CLEC3B: variants seen among roughly 807,000 people sequenced by gnomAD.
CLEC3B encodes tetranectin.
A neutral mutation model predicts 15.4 loss-of-function variants in CLEC3B; 13 were observed. That is an observed-to-expected ratio of 0.84 (90% CI 0.55 to 1.34). CLEC3B has a LOEUF of 1.34. CLEC3B is among the 40% of genes most tolerant of loss of function. The pLI is 0.00. For synonymous variants in CLEC3B, 112 were observed against 114.7 expected (o/e 0.98, Z 0.15); for missense variants, 242 against 268.6 (o/e 0.90, Z 0.69).
In CLEC3B at chr3:45,026,452, G is replaced by A; in HGVS notation, c.90G>A (p.Lys30=). 6.2e-7 allele frequency: 1 copy of A among 1,614,156 alleles called. No homozygotes were observed. The highest frequency in any genetic ancestry group is 8.5e-7 in the Non-Finnish European group (1 of 1,180,006). The change falls in exon 1 of 3, where the codon AAG becomes AAA. Residue 30 remains lysine, a synonymous_variant. Transcript: ENST00000296130. The stretch of plus-strand genomic sequence containing the variant: ...AGCCACCAACCCAGAAGCCCAAGAA[G>A]ATTGTAAATGCCAAGAAAGGTAAGG... ...TTEPPTQKPK[K]IVNAKKDVVN... is the part of the protein sequence containing the mutation.
chr3:45,026,881 C>T (rs1697491872), intron 1 of CLEC3B, among the ~76,000 whole-genome samples: 1 of 152,120 alleles, frequency 6.6e-6, no homozygotes, highest in South Asian at 2.1e-4. Flanking sequence ...AAAGACTTCT[C>T]ATGAAGATTT....
chr3:45,034,189 C>T (rs965173268), intron 2 of CLEC3B, among the ~76,000 whole-genome samples: 2 of 152,166 alleles, frequency 1.3e-5, no homozygotes, highest in African/African-American at 4.8e-5. Context: ...AATCCTTCAT[C>T]CCCAACAAAA....
At chr3:45,030,779 T>C (rs1271323675) in intron 1 of CLEC3B, 48 bp from the exon 2 acceptor site, 1 of 1,349,364 alleles carries the variant, frequency 7.4e-7, no homozygotes, top group Non-Finnish European at 1.0e-6. Flanking sequence ...GGTAGGATCC[T>C]TCCTGCTCAG....
Position 45,030,808 on chromosome 3 carries a change from A to T in CLEC3B, c.110-19A>T. The T allele has an allele frequency of 1.3e-6, 2 of 1,555,704 alleles. No homozygotes were observed. Among genetic ancestry groups the T allele is most frequent in the Non-Finnish European group, 1.7e-6 (2 of 1,144,424 alleles). On this transcript the variant is annotated intron_variant, in intron 1 of 2. Transcript: ENST00000296130. ...TGCTCAGTCCCTGCCCCACCCTGAC[A>T]TATTTCCTCCTGCTTCAGATGTTGT...
intron 1 of CLEC3B, among the ~76,000 whole-genome samples, chr3:45,028,918 C>A (rs1339523666): frequency 1.3e-5 from 2 of 152,204 alleles, no homozygotes; most frequent in Admixed American, 1.3e-4. Flanking sequence ...TAGAGTACTT[C>A]TGGGAGCTCA....
At position 45,030,823 on chromosome 3, in the gene CLEC3B, T is replaced by G. The variant is rs201175056; in HGVS notation, c.110-4T>G. The G allele has an allele frequency of 1.5e-4, 243 of 1,581,106 alleles. No individual in the cohort carries two copies. Among genetic ancestry groups the G allele is most frequent in the Non-Finnish European group, 2.0e-4 (227 of 1,162,622 alleles). On this transcript the variant is annotated splice_region_variant and splice_polypyrimidine_tract_variant and intron_variant, in intron 1 of 2. Coordinates refer to ENST00000296130, the MANE Select transcript of CLEC3B (RefSeq NM_003278.3). Reference sequence around the variant, plus strand: ...CCACCCTGACATATTTCCTCCTGCTTCAGATGTTGTGAACACAAAGATGTT... The same window carrying G: ...CCACCCTGACATATTTCCTCCTGCTGCAGATGTTGTGAACACAAAGATGTT...
At chr3:45,030,534 G>A (rs895406150) in intron 1 of CLEC3B, among the ~76,000 whole-genome samples, 24 of 152,246 alleles carry the variant, frequency 1.6e-4, no homozygotes, top group African/African-American at 5.1e-4. Flanking sequence ...TGGGTGGTGG[G>A]GGATCACTGA....
chr3:45,029,559 G>T (rs1320523358), intron 1 of CLEC3B, among the ~76,000 whole-genome samples: 1 of 152,136 alleles, frequency 6.6e-6, no homozygotes, highest in Non-Finnish European at 1.5e-5. Context: ...AAGTTACATC[G>T]CTAATTTCTA....
At chr3:45,026,760 C>T (rs1697490473) in intron 1 of CLEC3B, among the ~76,000 whole-genome samples, 1 of 152,164 alleles carries the variant, frequency 6.6e-6, no homozygotes, top group South Asian at 2.1e-4. Context: ...AAACCTTTGG[C>T]CTGGGAGTCT....
chr3:45,031,163 G>A (rs1697548335), intron 2 of CLEC3B, among the ~76,000 whole-genome samples: 3 of 152,234 alleles, frequency 2.0e-5, no homozygotes, highest in Admixed American at 2.0e-4. Context: ...CCACAGCTGG[G>A]TGGTGTGGAA....
chr3:45,031,395 G>A (rs537128096), intron 2 of CLEC3B, among the ~76,000 whole-genome samples: 1 of 152,364 alleles, frequency 6.6e-6, no homozygotes, highest in East Asian at 1.9e-4. Flanking sequence ...CTCTGCTGAG[G>A]TGGGATTTGT....
At chr3:45,030,750 C>A in intron 1 of CLEC3B, 77 bp from the exon 2 acceptor site, 1 of 983,204 alleles carries the variant, frequency 1.0e-6, no homozygotes, top group Non-Finnish European at 1.6e-6. Context: ...GTCTTTTCCT[C>A]TCATCCCTCT....
Position 45,030,861 on chromosome 3 carries a change from G to C in CLEC3B, c.144G>C (p.Lys48Asn). The change falls in exon 2 of 3, where the codon AAG (lysine) becomes AAC (asparagine). Residue 48 changes from lysine to asparagine, a missense_variant. Coordinates refer to ENST00000296130, the MANE Select transcript of CLEC3B (RefSeq NM_003278.3). ...ACACAAAGATGTTTGAGGAGCTCAAGAGCCGTCTGGACACCCTGGCCCAGG... is the reference window on the plus strand; with the variant it reads ...ACACAAAGATGTTTGAGGAGCTCAACAGCCGTCTGGACACCCTGGCCCAGG... ...VVNTKMFEELKSRLDTLAQEV... is the reference protein window; with the variant it reads ...VVNTKMFEELNSRLDTLAQEV... 4 of 1,596,222 alleles carry C rather than the reference G, an allele frequency of 2.5e-6. No individual in the cohort carries two copies. Among genetic ancestry groups the C allele is most frequent in the Non-Finnish European group, 3.4e-6 (4 of 1,171,276 alleles).
At position 45,026,334 on chromosome 3, in the gene CLEC3B, G is replaced by T; in HGVS notation, c.-29G>T. ...GCGTTCGGACCCAGACCCGCTGCAGGCAGCAGCAGCCCCCGCCCGCGCAGC... is the reference window on the plus strand; with the variant it reads ...GCGTTCGGACCCAGACCCGCTGCAGTCAGCAGCAGCCCCCGCCCGCGCAGC... On this transcript the variant is annotated 5_prime_UTR_variant, in exon 1 of 3. Transcript: ENST00000296130. The T allele has an allele frequency of 6.3e-7, 1 of 1,584,454 alleles. No individual in the cohort carries two copies. Among genetic ancestry groups the T allele is most frequent in the Admixed American group, 1.7e-5 (1 of 59,286 alleles).
chr3:45,035,495 C>T (rs767570389), intron 2 of CLEC3B, 29 bp from the exon 3 acceptor site: 4 of 1,563,514 alleles, frequency 2.6e-6, no homozygotes, highest in South Asian at 1.2e-5. Flanking sequence ...GGGGGACCTT[C>T]GGTGACAGCC....
intron 2 of CLEC3B, among the ~76,000 whole-genome samples, chr3:45,035,175 C>T (rs1697619884): frequency 6.6e-6 from 1 of 152,196 alleles, no homozygotes; most frequent in Non-Finnish European, 1.5e-5. Flanking sequence ...GCCTCTGTGA[C>T]CCAAGGAGAT....
At chr3:45,035,460 C>A in intron 2 of CLEC3B, 64 bp from the exon 3 acceptor site, 1 of 1,543,830 alleles carries the variant, frequency 6.5e-7, no homozygotes, top group Non-Finnish European at 8.7e-7. Flanking sequence ...TTGGCCTGGG[C>A]GGTTGGCTCT....
chr3:45,034,225 A>C (rs935104559), intron 2 of CLEC3B, among the ~76,000 whole-genome samples: 16 of 152,360 alleles, frequency 1.1e-4, no homozygotes, highest in Middle Eastern at 3.4e-3. Flanking sequence ...CAGTGTTACC[A>C]GCAGGAAGGA....
chr3:45,028,668 C>T, intron 1 of CLEC3B, among the ~76,000 whole-genome samples: 1 of 152,144 alleles, frequency 6.6e-6, no homozygotes, highest in Non-Finnish European at 1.5e-5. Context: ...GCCTTTTCCA[C>T]AGGTCTTCAG....
Sources: gnomAD v4.1 joint callset for allele counts (sites outside exome capture counted in the v4.1 genomes callset) on GRCh38, gnomAD v4.1.1 for gene constraint, MANE v1.5 for transcripts, NCBI Gene and HGNC (gene_info 2026-07-23, HGNC 2026-07-21) for gene names.